Variants in TPST1 observed in about 807,000 individuals in gnomAD.
The protein encoded by TPST1 is tyrosylprotein sulfotransferase 1.
Under a neutral mutation model 34.8 loss-of-function variants are expected in TPST1, and 20 were observed. That is an observed-to-expected ratio of 0.57 (90% CI 0.40 to 0.84). TPST1 has a LOEUF of 0.84. Among genes scored for constraint, TPST1 ranks in the 40% least tolerant of loss-of-function variants. TPST1 has a pLI of 0.00. For missense variants in TPST1, 353 were observed against 455.5 expected, an observed-to-expected ratio of 0.78 and a Z score of 2.05; for synonymous variants, 152 against 159.4, an observed-to-expected ratio of 0.95 and a Z score of 0.35.
intron 1 of TPST1, among the ~76,000 whole-genome samples, chr7:66,212,815 CTTTGT>C (rs921148482): frequency 4.1e-4 from 63 of 151,960 alleles, no homozygotes; most frequent in Admixed American, 1.3e-4. Flanking sequence ...ATCTTTTGTT[CTTTGT>C]TTTTTCTTAA....
chr7:66,259,132 T>C (rs1281572837), intron 2 of TPST1, among the ~76,000 whole-genome samples: 1 of 152,204 alleles, frequency 6.6e-6, no homozygotes, highest in African/African-American at 2.4e-5. Flanking sequence ...TTGTTTTTAT[T>C]ACTGTATTTT....
At chr7:66,258,756 T>TA (rs1371585392) in intron 2 of TPST1, among the ~76,000 whole-genome samples, 1 of 152,246 alleles carries the variant, frequency 6.6e-6, no homozygotes, top group Non-Finnish European at 1.5e-5. Context: ...GAATGATTCT[T>TA]ACGCTCCTTA....
At chr7:66,317,150 G>A (rs1791649858) in intron 3 of TPST1, among the ~76,000 whole-genome samples, 1 of 152,224 alleles carries the variant, frequency 6.6e-6, no homozygotes, top group Admixed American at 6.5e-5. Flanking sequence ...TGCACCACTT[G>A]TGATAAAGTT....
At chr7:66,255,055 G>A (rs1222028410) in intron 2 of TPST1, among the ~76,000 whole-genome samples, 2 of 151,476 alleles carry the variant, frequency 1.3e-5, no homozygotes, top group Non-Finnish European at 2.9e-5. Context: ...GCTGAGGCAG[G>A]AGAATGGAGT....
chr7:66,248,512 T>TC (rs1286081290), intron 2 of TPST1, among the ~76,000 whole-genome samples: 1 of 150,100 alleles, frequency 6.7e-6, no homozygotes, highest in Non-Finnish European at 1.5e-5. Flanking sequence ...TGTTTTTTTT[T>TC]TTTTTTTTTG....
rs561807726 is a variant in TPST1, at chr7:66,353,823, T to C, written c.1095+1268T>C. Among the ~76,000 whole-genome samples, 16 of 152,282 alleles carry C rather than the reference T, an allele frequency of 1.1e-4. No individual in the cohort carries two copies. In the East Asian group the frequency reaches 2.9e-3, roughly 28 times the overall value. The stretch of plus-strand genomic sequence containing the variant: ...TAGAGGTTGGTGAAGCAACAGCACC[T>C]CAGAGACTTGTGTGAAGTCCAGTTG... On this transcript the variant is annotated intron_variant, in intron 4 of 5. Transcript: ENST00000304842.
chr7:66,352,976 TTA>T, intron 4 of TPST1: 1 of 985,366 alleles, frequency 1.0e-6, no homozygotes. Context: ...CCCAGATGAC[TTA>T]TATATACACA....
At chr7:66,235,485 T>A (rs1789893706) in intron 1 of TPST1, among the ~76,000 whole-genome samples, 1 of 152,134 alleles carries the variant, frequency 6.6e-6, no homozygotes. Context: ...ATTAAAAGAG[T>A]ATACACATGA....
intron 3 of TPST1, among the ~76,000 whole-genome samples, chr7:66,294,991 A>G (rs930206293): frequency 6.6e-6 from 1 of 152,182 alleles, no homozygotes. Flanking sequence ...TAAATCAACA[A>G]ACAAAATACA....
intron 1 of TPST1, among the ~76,000 whole-genome samples, chr7:66,237,233 T>C (rs1359603346): frequency 6.6e-6 from 1 of 152,208 alleles, no homozygotes; most frequent in Non-Finnish European, 1.5e-5. Flanking sequence ...ATGGTTTGCC[T>C]TGCCCTGCTC....
intron 3 of TPST1, among the ~76,000 whole-genome samples, chr7:66,337,079 A>C (rs1333689961): frequency 6.6e-6 from 1 of 152,170 alleles, no homozygotes; most frequent in African/African-American, 2.4e-5. Flanking sequence ...GAATTCATCA[A>C]CACCAGACCT....
chr7:66,203,374 G>A (rs1420497965), upstream of TPST1, among the ~76,000 whole-genome samples: 1 of 151,870 alleles, frequency 6.6e-6, no homozygotes, highest in Admixed American at 6.6e-5. Flanking sequence ...CAAACTGCTG[G>A]GATTACAGGC....
At chr7:66,337,756 A>C (rs1010753924) in intron 3 of TPST1, among the ~76,000 whole-genome samples, 4 of 152,260 alleles carry the variant, frequency 2.6e-5, no homozygotes, top group Non-Finnish European at 5.9e-5. Flanking sequence ...TTCTTTGCAA[A>C]GTTAAGTGAT....
intron 2 of TPST1, among the ~76,000 whole-genome samples, chr7:66,279,334 T>C (rs1331943990): frequency 6.6e-6 from 1 of 152,210 alleles, no homozygotes; most frequent in African/African-American, 2.4e-5. Context: ...TCCACTGTTG[T>C]GGGCATTTAG....
rs1266115135 is a variant in TPST1 at position 66,294,699 on chromosome 7, C to T, written c.1044+7990C>T. Among the ~76,000 whole-genome samples, 6 of 151,686 alleles carry T rather than the reference C, an allele frequency of 4.0e-5. No homozygotes were observed. The East Asian group carries it at 1.2e-3, about 29-fold the overall frequency. ...GAATAAAAATCACCTGTAATGTTCC[C>T]ACCTAGACACATACACATATTATTC... On this transcript the variant is annotated intron_variant, in intron 3 of 5. Coordinates refer to ENST00000304842, the MANE Select transcript of TPST1 (RefSeq NM_003596.4).
chr7:66,285,967 T>C (rs939845066), intron 2 of TPST1, among the ~76,000 whole-genome samples: 3 of 152,206 alleles, frequency 2.0e-5, no homozygotes, highest in Non-Finnish European at 4.4e-5. Flanking sequence ...TTTTACGTTC[T>C]TAGTGGTTTA....
chr7:66,235,606 A>G (rs1789896395), intron 1 of TPST1, among the ~76,000 whole-genome samples: 1 of 152,114 alleles, frequency 6.6e-6, no homozygotes, highest in African/African-American at 2.4e-5. Context: ...TAATTTATAT[A>G]TATAGTATGT....
chr7:66,351,679 A>T (rs1012239297), intron 3 of TPST1, among the ~76,000 whole-genome samples: 1 of 152,088 alleles, frequency 6.6e-6, no homozygotes, highest in African/African-American at 2.4e-5. Context: ...TCCAAAAAAA[A>T]AAAAAAAGCA....
chr7:66,329,782 T>C (rs550030104), intron 3 of TPST1, among the ~76,000 whole-genome samples: 3 of 152,248 alleles, frequency 2.0e-5, no homozygotes, highest in African/African-American at 2.4e-5. Context: ...AAGAGCGAAA[T>C]CATGTTCTTT....
Sources: allele counts gnomAD v4.1 joint callset (sites outside exome capture counted in the v4.1 genomes callset), GRCh38; gene constraint gnomAD v4.1.1; transcripts MANE v1.5; gene names NCBI Gene and HGNC (gene_info 2026-07-23, HGNC 2026-07-21).